PHF20: variants seen among roughly 807,000 people sequenced by gnomAD.
PHF20 encodes PHD finger protein 20.
In PHF20, 23 loss-of-function variants were observed where a neutral mutation model predicts 113.5. The observed-to-expected ratio is 0.20, with a 90% CI of 0.15 to 0.29. PHF20 has a LOEUF of 0.29. PHF20 is among the 10% of genes least tolerant of loss of function. PHF20 has a pLI of 1.00. For missense variants in PHF20, 943 were observed against 1,219.6 expected (o/e 0.77, Z 3.38); for synonymous variants, 434 against 457.3 (o/e 0.95, Z 0.65).
At position 35,947,588 on chromosome 20, in the gene PHF20, G is replaced by A; in HGVS notation, c.3000G>A (p.Leu1000=). 6.2e-7 allele frequency: 1 copy of A among 1,614,068 alleles called. No individual in the cohort carries two copies. The highest frequency in any genetic ancestry group is 8.5e-7 in the Non-Finnish European group (1 of 1,180,016). ...GTATCAAGCAGCTGCTGATGGACCT[G>A]GGCAAGGTGCAGCAGATCGCCCTCT... is the stretch of plus-strand genomic sequence containing the variant. ...KHCIKQLLMD[L]GKVQQIALCC... Residue 1000 remains leucine (L), a synonymous_variant, in exon 18 of 18, where the codon CTG becomes CTA. Transcript: ENST00000374012.
intron 15 of PHF20, among the ~76,000 whole-genome samples, chr20:35,932,938 C>T (rs2055788794): frequency 6.6e-6 from 1 of 152,096 alleles, no homozygotes; most frequent in African/African-American, 2.4e-5. Flanking sequence ...TAAGTGGAGT[C>T]ATATAGTGTT....
intron 3 of PHF20, 90 bp from the exon 4 acceptor site, chr20:35,847,260 C>G: frequency 1.3e-6 from 1 of 797,238 alleles, no homozygotes; most frequent in Non-Finnish European, 2.0e-6. Flanking sequence ...CTTATCAATC[C>G]CAGCTTCTTT....
At chr20:35,792,275 C>T (rs964085152) in intron 1 of PHF20, among the ~76,000 whole-genome samples, 1 of 152,042 alleles carries the variant, frequency 6.6e-6, no homozygotes, top group East Asian at 1.9e-4. Context: ...GCAACCTCCA[C>T]CTTCTGGGCT....
intron 14 of PHF20, among the ~76,000 whole-genome samples, chr20:35,929,024 T>C (rs563018262): frequency 1.3e-5 from 2 of 152,324 alleles, no homozygotes; most frequent in South Asian, 4.1e-4. Context: ...TTGTCTCCCA[T>C]TACCACTTGT....
intron 1 of PHF20, among the ~76,000 whole-genome samples, chr20:35,775,615 G>A (rs1342618506): frequency 6.6e-6 from 1 of 151,950 alleles, no homozygotes; most frequent in African/African-American, 2.4e-5. Context: ...TTACCTGGGT[G>A]TGGTGGCAGG....
intron 2 of PHF20, among the ~76,000 whole-genome samples, chr20:35,803,739 T>G (rs1181728133): frequency 6.7e-6 from 1 of 150,212 alleles, no homozygotes; most frequent in African/African-American, 2.4e-5. Context: ...TGTATATATA[T>G]TATATATTGT....
chr20:35,823,529 T>G (rs1600786165), intron 2 of PHF20, among the ~76,000 whole-genome samples: 3 of 131,902 alleles, frequency 2.3e-5, no homozygotes, highest in African/African-American at 8.9e-5. Context: ...GAGGCTGGGG[T>G]GGGAGGAAGA....
chr20:35,794,540 G>A (rs1472358752), intron 1 of PHF20, among the ~76,000 whole-genome samples: 2 of 152,076 alleles, frequency 1.3e-5, no homozygotes. Context: ...GAGTTAAAAG[G>A]CACTGTCACC....
chr20:35,782,975 C>T (rs920689702), intron 1 of PHF20, among the ~76,000 whole-genome samples: 1 of 152,128 alleles, frequency 6.6e-6, no homozygotes, highest in Non-Finnish European at 1.5e-5. Context: ...AGGAGGACTG[C>T]TTGAAGCCAG....
At chr20:35,939,527 A>T (rs2055936546) in intron 16 of PHF20, among the ~76,000 whole-genome samples, 1 of 152,228 alleles carries the variant, frequency 6.6e-6, no homozygotes, top group Non-Finnish European at 1.5e-5. Context: ...CAGTTGTATG[A>T]TAGCTTTATT....
chr20:35,854,032 G>C (rs1479374898), intron 4 of PHF20, among the ~76,000 whole-genome samples: 1 of 152,140 alleles, frequency 6.6e-6, no homozygotes, highest in Non-Finnish European at 1.5e-5. Context: ...GGGATTACAG[G>C]CGTGAGCCAC....
At chr20:35,938,639 A>G (rs2055912914) in intron 15 of PHF20, 58 bp from the exon 16 acceptor site, 1 of 1,496,318 alleles carries the variant, frequency 6.7e-7, no homozygotes, top group Non-Finnish European at 9.0e-7. Flanking sequence ...AGGAATTGAG[A>G]ACCCCTGCAA....
At chr20:35,886,875 G>A (rs1481869421) in intron 9 of PHF20, among the ~76,000 whole-genome samples, 1 of 152,196 alleles carries the variant, frequency 6.6e-6, no homozygotes, top group Non-Finnish European at 1.5e-5. Context: ...TGTGAACTGC[G>A]AGAGCATGAA....
At chr20:35,846,994 G>A (rs2425164) in intron 3 of PHF20, among the ~76,000 whole-genome samples, 38,672 of 151,906 alleles carry the variant, frequency 0.25, 5,740 homozygotes, top group African/African-American at 0.41. Context: ...GACTTGCTTT[G>A]TAACAACTTG....
intron 13 of PHF20, among the ~76,000 whole-genome samples, chr20:35,920,058 T>C (rs980293421): frequency 7.9e-5 from 12 of 152,234 alleles, no homozygotes; most frequent in African/African-American, 2.9e-4. Flanking sequence ...CAGCCTTGTG[T>C]AATCACTCCC....
intron 10 of PHF20, among the ~76,000 whole-genome samples, chr20:35,903,608 A>G (rs6058356): frequency 0.097 from 14,831 of 152,170 alleles, 779 homozygotes; most frequent in Middle Eastern, 0.15. Flanking sequence ...GCGATTACCC[A>G]AATGTATCTC....
intron 13 of PHF20, among the ~76,000 whole-genome samples, chr20:35,925,225 A>C (rs1276168130): frequency 6.8e-6 from 1 of 148,046 alleles, no homozygotes; most frequent in East Asian, 1.9e-4. Context: ...AATTTTTTCT[A>C]GTTCTGAAGC....
chr20:35,892,534 T>G (rs2054895243), intron 9 of PHF20, among the ~76,000 whole-genome samples: 1 of 152,180 alleles, frequency 6.6e-6, no homozygotes, highest in South Asian at 2.1e-4. Context: ...TAATTTAACA[T>G]ATCCTAAACA....
chr20:35,840,723 A>C (rs1387965705), intron 2 of PHF20, among the ~76,000 whole-genome samples: 1 of 152,170 alleles, frequency 6.6e-6, no homozygotes, highest in African/African-American at 2.4e-5. Context: ...GGCATACTGA[A>C]TCAGAATCTT....
Sources: gnomAD v4.1 joint callset for allele counts (sites outside exome capture counted in the v4.1 genomes callset) on GRCh38, gnomAD v4.1.1 for gene constraint, MANE v1.5 for transcripts, NCBI Gene and HGNC (gene_info 2026-07-23, HGNC 2026-07-21) for gene names.